Variants in RAB4A observed in about 807,000 individuals in gnomAD.
The protein encoded by RAB4A is RAB4A, member RAS oncogene family.
A neutral mutation model predicts 34.5 loss-of-function variants in RAB4A; 20 were observed. The ratio of observed to expected loss-of-function variants is 0.58; its 90% confidence interval spans 0.41 to 0.84. RAB4A has a LOEUF of 0.84. Ranked by LOEUF, RAB4A falls within the 40% of genes least tolerant of loss-of-function variation. The pLI, the probability that RAB4A is intolerant of heterozygous loss-of-function variation, is 0.00. For missense variants in RAB4A, 228 were observed against 274.5 expected (o/e 0.83, Z 1.20); for synonymous variants, 102 against 100.0 (o/e 1.02, Z -0.12).
chr1:229,302,619 C>T (rs977383938), intron 6 of RAB4A, among the ~76,000 whole-genome samples: 2 of 151,064 alleles, frequency 1.3e-5, no homozygotes, highest in African/African-American at 4.9e-5. Flanking sequence ...GAAAAGTCCC[C>T]CTGTTACCAC....
chr1:229,288,638 T>C lies in RAB4A; in HGVS notation c.113-91T>C, dbSNP rs113334337. 9.0e-4 allele frequency: 602 copies of C among 671,872 alleles called. 3 individuals are homozygous for C. The African/African-American group carries it at 9.7e-3, about 11-fold the overall frequency. 41.6% of individuals were successfully genotyped at this position (671,872 alleles called of 1,614,324 possible). On this transcript the variant is annotated intron_variant, in intron 2 of 7. Coordinates refer to ENST00000366690, the MANE Select transcript of RAB4A (RefSeq NM_004578.4). ...TAGAGTAATGTCCATTCCCCATTGATGTAACTCTTGGTTTTAGTGTCACTT... is the reference window on the plus strand; with the variant it reads ...TAGAGTAATGTCCATTCCCCATTGACGTAACTCTTGGTTTTAGTGTCACTT...
intron 3 of RAB4A, among the ~76,000 whole-genome samples, chr1:229,293,602 T>C (rs2102849769): frequency 6.6e-6 from 1 of 152,328 alleles, no homozygotes; most frequent in South Asian, 2.1e-4. Flanking sequence ...GTCCAGGCCC[T>C]GTGCTAGGCA....
intron 1 of RAB4A, among the ~76,000 whole-genome samples, chr1:229,273,703 C>T (rs996797661): frequency 2.0e-5 from 3 of 152,198 alleles, no homozygotes; most frequent in African/African-American, 4.8e-5. Flanking sequence ...TGTGCCACTG[C>T]ACTCCATCCT....
In RAB4A at chr1:229,288,732, A is replaced by G. The variant is rs1176333732; in HGVS notation, c.116A>G (p.Lys39Arg). Residue 39 changes from lysine (K) to arginine (R), a missense_variant, in exon 3 of 8, where the codon AAA (lysine) becomes AGA (arginine). Lys to Arg is a conservative substitution (Grantham distance 26). Transcript: ENST00000366690. ...TGTTCTTGTTTTTCTTTTTTAGTCAAAGATGACTCAAATCATACAATAGGA... is the reference window on the plus strand; with the variant it reads ...TGTTCTTGTTTTTCTTTTTTAGTCAGAGATGACTCAAATCATACAATAGGA... Reference protein sequence around the residue: ...LLHQFIEKKFKDDSNHTIGVE... With the variant: ...LLHQFIEKKFRDDSNHTIGVE... 1.3e-5 allele frequency: 20 copies of G among 1,497,970 alleles called. No individual in the cohort carries two copies. Among genetic ancestry groups the G allele is most frequent in the Admixed American group, 1.9e-5 (1 of 53,926 alleles). 92.8% of individuals were successfully genotyped at this position (1,497,970 alleles called of 1,614,324 possible).
chr1:229,278,755 A>G (rs900961448), intron 1 of RAB4A, among the ~76,000 whole-genome samples: 4 of 152,172 alleles, frequency 2.6e-5, no homozygotes, highest in Admixed American at 1.3e-4. Context: ...AACTGCTTAT[A>G]AGAGCTGTCA....
chr1:229,299,856 G>A (rs760100657), intron 6 of RAB4A, among the ~76,000 whole-genome samples: 5 of 152,138 alleles, frequency 3.3e-5, no homozygotes, highest in Middle Eastern at 6.3e-3. Context: ...TCAGGGTAAC[G>A]TGAAGAAGGG....
intron 1 of RAB4A, 150 bp downstream of exon 1, chr1:229,271,520 C>G: frequency 4.3e-6 from 2 of 465,434 alleles, no homozygotes; most frequent in East Asian, 1.3e-4. Flanking sequence ...GGCTTGGGAC[C>G]GGGATGGGGG....
chr1:229,304,088 G>C lies in RAB4A; in HGVS notation c.*295G>C, dbSNP rs191433006. 5.3e-5 allele frequency: 8 copies of C among 152,204 alleles called. No homozygotes were observed. In the East Asian group the frequency reaches 1.2e-3, roughly 22 times the overall value. 9.4% of individuals were successfully genotyped at this position (152,204 alleles called of 1,614,324 possible). On this transcript the variant is annotated 3_prime_UTR_variant, in exon 8 of 8. Transcript: ENST00000366690. ...TACTGTATGTCCTGTAGCCCAGTGCGGCTCCACAGCATGGAATCTGATGTA... is the reference window on the plus strand; with the variant it reads ...TACTGTATGTCCTGTAGCCCAGTGCCGCTCCACAGCATGGAATCTGATGTA...
rs15452 is a variant in RAB4A, at chr1:229,303,892, T to A, written c.*99T>A. ...TACCACCATCTTTTTCTACTCTGTA[T>A]GGAAGTAGATCTTTATGGGGAAAAG... On this transcript the variant is annotated 3_prime_UTR_variant, in exon 8 of 8. Transcript: ENST00000366690. The A allele has an allele frequency of 0.39, 59,594 of 152,016 alleles. 11,997 individuals carry two copies. Among genetic ancestry groups the A allele is most frequent in the Admixed American group, 0.45 (6,870 of 15,278 alleles). 9.4% of individuals were successfully genotyped at this position (152,016 alleles called of 1,614,324 possible).
intron 6 of RAB4A, among the ~76,000 whole-genome samples, chr1:229,302,079 A>G (rs1307059731): frequency 2.6e-5 from 4 of 151,162 alleles, no homozygotes; most frequent in East Asian, 3.9e-4. Flanking sequence ...AAATATTTCA[A>G]AATCTGAAAA....
intron 4 of RAB4A, 51 bp from the exon 5 acceptor site, chr1:229,297,431 T>G: frequency 6.6e-7 from 1 of 1,520,928 alleles, no homozygotes; most frequent in Non-Finnish European, 8.9e-7. Flanking sequence ...TGGAAAGAGT[T>G]GCTAGTTTTA....
chr1:229,304,302 G>A lies in RAB4A; in HGVS notation c.*509G>A, dbSNP rs147464509. On this transcript the variant is annotated 3_prime_UTR_variant, in exon 8 of 8. Coordinates refer to ENST00000366690, the MANE Select transcript of RAB4A (RefSeq NM_004578.4). ...CCAGTGTGTTTTCTTATTTAACTCC[G>A]TTTACTACATTCTACATGGTGTTTA... 1.2e-4 allele frequency: 18 copies of A among 151,982 alleles called. No individual in the cohort carries two copies. Among genetic ancestry groups the A allele is most frequent in the African/African-American group, 2.4e-4 (10 of 41,424 alleles). The allele number at this position is 151,982 out of a possible 1,614,324, so 9.4% of individuals were successfully genotyped here. A position where few individuals can be genotyped will look rare whatever the true frequency, so the allele number is the denominator to read the frequency against.
chr1:229,295,805 G>T (rs1253686511), intron 3 of RAB4A, 43 bp from the exon 4 acceptor site: 2 of 1,600,874 alleles, frequency 1.2e-6, no homozygotes, highest in South Asian at 1.1e-5. Flanking sequence ...ATACAGTAAA[G>T]GGTCTCAATT....
rs954799961 is a variant in RAB4A, at chr1:229,296,971, T to C, written c.291-511T>C. Among the ~76,000 whole-genome samples, 5 of 152,360 alleles carry C rather than the reference T, an allele frequency of 3.3e-5. 1 individual carries two copies. The highest frequency in any genetic ancestry group is 9.6e-5 in the African/African-American group (4 of 41,576). ...AAGTCCTGACTTTGCCACTGGCTGC[T>C]GTATGACCTAGGGCAACGTAATTAA... On this transcript the variant is annotated intron_variant, in intron 4 of 7. Transcript: ENST00000366690.
chr1:229,288,902 T>C, intron 3 of RAB4A, 59 bp downstream of exon 3: 1 of 1,028,812 alleles, frequency 9.7e-7, no homozygotes, highest in East Asian at 2.6e-5. Context: ...TAATTGATGA[T>C]ATTCTCTCAA....
intron 4 of RAB4A, among the ~76,000 whole-genome samples, 164 bp from the exon 5 acceptor site, chr1:229,297,318 G>A (rs1016494155): frequency 3.9e-5 from 6 of 152,168 alleles, no homozygotes; most frequent in African/African-American, 7.2e-5. Context: ...ACAAACTGTG[G>A]GTATGGTATA....
intron 6 of RAB4A, among the ~76,000 whole-genome samples, chr1:229,302,303 ATATATAT>A (rs1252169822): frequency 6.6e-4 from 26 of 39,654 alleles, no homozygotes; most frequent in Non-Finnish European, 1.0e-3. Context: ...ATATATATAT[ATATATAT>A]TTTTTTTTTT....
rs1558242412 is a variant in RAB4A at position 229,302,296 on chromosome 1, TATATATATATA to T, written c.542-565_542-555del. On this transcript the variant is annotated intron_variant, in intron 6 of 7. Coordinates refer to ENST00000366690, the MANE Select transcript of RAB4A (RefSeq NM_004578.4). ...ATATATATATATATATATATATATA[TATATATATATA>T]TATTTTTTTTTTTTTTTTACATGTG... Among the ~76,000 whole-genome samples, 35 of 29,528 alleles carry T rather than the reference TATATATATATA, an allele frequency of 1.2e-3. 1 individual carries two copies. The highest frequency in any genetic ancestry group is 2.7e-3 in the African/African-American group (17 of 6,376). 19.4% of individuals were successfully genotyped at this position (29,528 alleles called of 152,430 possible).
At chr1:229,292,853 T>C (rs1425138400) in intron 3 of RAB4A, among the ~76,000 whole-genome samples, 1 of 152,106 alleles carries the variant, frequency 6.6e-6, no homozygotes, top group African/African-American at 2.4e-5. Context: ...TGACACCAGC[T>C]GGGTGTCCAA....
Sources: gnomAD v4.1 joint callset for allele counts (sites outside exome capture counted in the v4.1 genomes callset) on GRCh38, gnomAD v4.1.1 for gene constraint, MANE v1.5 for transcripts, NCBI Gene and HGNC (gene_info 2026-07-23, HGNC 2026-07-21) for gene names.